Variants in EDA observed in about 807,000 individuals in gnomAD.
EDA encodes ectodysplasin-A.
Under a neutral mutation model 23.6 loss-of-function variants are expected in EDA, and 2 were observed. The observed-to-expected ratio is 0.08, with a 90% CI of 0.03 to 0.27. The LOEUF (loss-of-function observed/expected upper bound fraction) is 0.27, where lower values mean the gene tolerates loss of function less well. EDA is among the 10% of genes least tolerant of loss of function. EDA has a pLI of 1.00. For missense variants in EDA, 229 were observed against 324.2 expected (o/e 0.71, Z 2.26); for synonymous variants, 131 against 132.0 (o/e 0.99, Z 0.05).
At chrX:69,773,365 A>G (rs2014691452) in intron 1 of EDA, among the ~76,000 whole-genome samples, 1 of 112,127 alleles carries the variant, frequency 8.9e-6, no homozygotes, top group Non-Finnish European at 1.9e-5. Context: ...TAATACTGCT[A>G]TGAGCATTGG....
intron 1 of EDA, among the ~76,000 whole-genome samples, chrX:69,866,528 T>A (rs2017488436): frequency 9.0e-6 from 1 of 110,927 alleles, no homozygotes; most frequent in Non-Finnish European, 1.9e-5. Context: ...GAGGCAAAAA[T>A]TTTGCTAGTG....
At chrX:70,009,551 G>A (rs1404158562) in intron 2 of EDA, among the ~76,000 whole-genome samples, 1 of 106,071 alleles carries the variant, frequency 9.4e-6, no homozygotes, top group Admixed American at 1.0e-4. Context: ...GGGTGGATTT[G>A]TTTGTTTGTT....
Position 69,672,807 on chromosome X carries a change from G to A in EDA, c.396+56103G>A, listed in dbSNP as rs778140697. ...TGAGGCAGGAGAATGGCATGAACCC[G>A]GGAGGCAGAGCTTGCAGTGAGCCGA... On this transcript the variant is annotated intron_variant, in intron 1 of 7. Transcript: ENST00000374552. 1.1e-4 allele frequency among the ~76,000 whole-genome samples: 12 copies of A among 109,133 alleles called. No individual in the cohort carries two copies. The East Asian group carries it at 1.4e-3, about 13-fold the overall frequency. 94.8% of individuals were successfully genotyped at this position (109,133 alleles called of 115,157 possible). A position where few individuals can be genotyped will look rare whatever the true frequency, so the allele number is the denominator to read the frequency against.
At chrX:69,991,925 G>C (rs920344875) in intron 2 of EDA, among the ~76,000 whole-genome samples, 3 of 111,920 alleles carry the variant, frequency 2.7e-5, no homozygotes, top group Non-Finnish European at 5.6e-5. Flanking sequence ...TGCTGCAAGA[G>C]AAGTGCCTGC....
chrX:69,903,767 A>T (rs1395030604), intron 1 of EDA, among the ~76,000 whole-genome samples: 1 of 111,039 alleles, frequency 9.0e-6, no homozygotes, highest in African/African-American at 3.3e-5. Flanking sequence ...TTAAAAAACT[A>T]TATTATGGGT....
intron 1 of EDA, among the ~76,000 whole-genome samples, chrX:69,782,858 A>G (rs1267118906): frequency 1.8e-5 from 2 of 111,696 alleles, no homozygotes; most frequent in Non-Finnish European, 3.8e-5. Flanking sequence ...ACACCCTCAA[A>G]ATGAAAAGAG....
intron 1 of EDA, among the ~76,000 whole-genome samples, chrX:69,634,108 T>C (rs1317926301): frequency 8.9e-6 from 1 of 112,368 alleles, no homozygotes; most frequent in Non-Finnish European, 1.9e-5. Flanking sequence ...TAAAGACTAA[T>C]GATATTGAGC....
chrX:69,807,828 A>G (rs1024185750), intron 1 of EDA, among the ~76,000 whole-genome samples: 6 of 111,342 alleles, frequency 5.4e-5, no homozygotes, highest in Non-Finnish European at 1.1e-4. Context: ...ACAGAAAATG[A>G]CCTTAGTGTG....
intron 1 of EDA, among the ~76,000 whole-genome samples, chrX:69,653,915 T>A (rs1264438343): frequency 9.0e-6 from 1 of 111,603 alleles, no homozygotes; most frequent in Non-Finnish European, 1.9e-5. Context: ...CTAAAACACC[T>A]GAAGCAATGG....
chrX:69,713,643 T>C (rs963718418), intron 1 of EDA, among the ~76,000 whole-genome samples: 8 of 112,130 alleles, frequency 7.1e-5, no homozygotes, highest in Non-Finnish European at 1.3e-4. Context: ...ATTTACTTTT[T>C]TTCACTTAGC....
At chrX:69,716,125 A>G (rs1187296627) in intron 1 of EDA, among the ~76,000 whole-genome samples, 4 of 111,935 alleles carry the variant, frequency 3.6e-5, no homozygotes, top group Non-Finnish European at 7.5e-5. Flanking sequence ...TGGCATCTTC[A>G]TCATGAAATC....
chrX:69,721,634 A>G (rs1004669921), intron 1 of EDA, among the ~76,000 whole-genome samples: 1 of 110,899 alleles, frequency 9.0e-6, no homozygotes, highest in Non-Finnish European at 1.9e-5. Context: ...CATTTGATTT[A>G]GGAGAGGAAT....
At chrX:69,692,864 C>T (rs751752566) in intron 1 of EDA, 8 of 111,737 alleles carry the variant, frequency 7.2e-5, no homozygotes, top group Non-Finnish European at 1.1e-4. Flanking sequence ...TAATATTTGC[C>T]TTTATAATGC....
intron 1 of EDA, among the ~76,000 whole-genome samples, chrX:69,815,867 C>T (rs939790865): frequency 8.9e-6 from 1 of 112,563 alleles, no homozygotes; most frequent in East Asian, 2.8e-4. Context: ...GTCCCTGATC[C>T]AGTTCCTCCT....
At chrX:69,761,178 A>G (rs2014297962) in intron 1 of EDA, among the ~76,000 whole-genome samples, 1 of 110,865 alleles carries the variant, frequency 9.0e-6, no homozygotes, top group Admixed American at 9.7e-5. Context: ...ATATCAATGG[A>G]AAAGGAAGAA....
intron 1 of EDA, among the ~76,000 whole-genome samples, chrX:69,934,485 A>T (rs1401628255): frequency 9.0e-6 from 1 of 111,725 alleles, no homozygotes; most frequent in East Asian, 2.8e-4. Flanking sequence ...CTGTCATTTT[A>T]TCTGCCAATC....
At chrX:69,706,515 C>T (rs777832788) in intron 1 of EDA, among the ~76,000 whole-genome samples, 1 of 109,324 alleles carries the variant, frequency 9.1e-6, no homozygotes, top group South Asian at 3.9e-4. Context: ...AATATGTGCC[C>T]AAGGTGTTTG....
At chrX:70,001,728 A>AT (rs1338910409) in intron 2 of EDA, among the ~76,000 whole-genome samples, 6 of 112,350 alleles carry the variant, frequency 5.3e-5, no homozygotes. Context: ...GCTTAAAATA[A>AT]TTTTTTGCAT....
intron 1 of EDA, among the ~76,000 whole-genome samples, chrX:69,728,248 A>AAG (rs2012884981): frequency 9.1e-6 from 1 of 110,123 alleles, no homozygotes; most frequent in Non-Finnish European, 1.9e-5. Context: ...CATCTCAAAA[A>AAG]AAAAAAAAAT....
Sources: gnomAD v4.1 joint callset for allele counts (sites outside exome capture counted in the v4.1 genomes callset) on GRCh38, gnomAD v4.1.1 for gene constraint, MANE v1.5 for transcripts, NCBI Gene and HGNC (gene_info 2026-07-23, HGNC 2026-07-21) for gene names.